CBLB: variants seen among roughly 807,000 people sequenced by gnomAD.
CBLB encodes the protein Cbl proto-oncogene B.
CBLB carries 31 observed loss-of-function variants against 104.9 expected under a neutral mutation model. That is an observed-to-expected ratio of 0.30 (90% CI 0.22 to 0.40). The LOEUF (loss-of-function observed/expected upper bound fraction) is 0.40, where lower values mean the gene tolerates loss of function less well. Among genes scored for constraint, CBLB ranks in the 10% least tolerant of loss-of-function variants. CBLB has a pLI of 1.00. For synonymous variants in CBLB, 440 were observed against 422.6 expected (o/e 1.04, Z -0.51); for missense variants, 1,062 against 1,214.6 (o/e 0.87, Z 1.87).
intron 4 of CBLB, among the ~76,000 whole-genome samples, chr3:105,776,151 A>C (rs1366026017): frequency 1.3e-5 from 2 of 152,142 alleles, no homozygotes; most frequent in Non-Finnish European, 2.9e-5. Flanking sequence ...CTCAGAACAA[A>C]CTCAATGAAT....
intron 2 of CBLB, among the ~76,000 whole-genome samples, chr3:105,856,275 G>A (rs1287983193): frequency 4.0e-5 from 6 of 150,730 alleles, no homozygotes; most frequent in East Asian, 1.9e-4. Context: ...ACTTGAACCC[G>A]GGAGGCAGAG....
At chr3:105,814,648 A>G (rs1303567539) in intron 3 of CBLB, among the ~76,000 whole-genome samples, 1 of 152,094 alleles carries the variant, frequency 6.6e-6, no homozygotes, top group East Asian at 1.9e-4. Context: ...TCCTACTGCC[A>G]TTATCTTCAG....
At chr3:105,661,849 T>C (rs2063814638) in intron 18 of CBLB, among the ~76,000 whole-genome samples, 1 of 152,148 alleles carries the variant, frequency 6.6e-6, no homozygotes, top group Non-Finnish European at 1.5e-5. Flanking sequence ...AGTATAACAA[T>C]TAATGTAATA....
chr3:105,853,282 G>A (rs561097236), intron 3 of CBLB, 132 bp downstream of exon 3: 64 of 865,826 alleles, frequency 7.4e-5, no homozygotes, highest in South Asian at 4.8e-4. Context: ...CCATCGTTAA[G>A]TACCACATGA....
chr3:105,662,369 A>G (rs1275595745), intron 18 of CBLB, among the ~76,000 whole-genome samples: 2 of 152,240 alleles, frequency 1.3e-5, no homozygotes, highest in Non-Finnish European at 2.9e-5. Flanking sequence ...GCACACTGAA[A>G]TAACTATAAA....
chr3:105,810,303 A>G (rs1382041581), intron 3 of CBLB, among the ~76,000 whole-genome samples: 1 of 152,194 alleles, frequency 6.6e-6, no homozygotes, highest in African/African-American at 2.4e-5. Flanking sequence ...TACTAAAATA[A>G]GTTTCTTGGC....
intron 3 of CBLB, among the ~76,000 whole-genome samples, chr3:105,847,430 C>A (rs1040963183): frequency 1.0e-4 from 13 of 127,708 alleles, no homozygotes; most frequent in East Asian, 2.9e-4. Flanking sequence ...ACACACACAC[C>A]CCATTTTGTC....
upstream of CBLB, chr3:105,869,053 GGGGC>G: frequency 7.4e-6 from 8 of 1,074,918 alleles, no homozygotes; most frequent in Non-Finnish European, 9.2e-6. Context: ...GGCTCGGGGC[GGGGC>G]GGGGCGGGGG....
In CBLB at chr3:105,685,422, T is replaced by A. The variant is rs758691888; in HGVS notation, c.2099A>T (p.Asp700Val). 9 of 1,612,762 alleles carry A rather than the reference T, an allele frequency of 5.6e-6. No homozygotes were observed. Among genetic ancestry groups the A allele is most frequent in the Non-Finnish European group, 4.2e-6 (5 of 1,179,028 alleles). Reference protein sequence around the residue: ...LANSLSEKTRDPVEEDDDEYK... With the variant: ...LANSLSEKTRVPVEEDDDEYK... ...TTCATCATCATCTTCCTCTACTGGG[T>A]CTCTTGTTTTCTCTGAAAGAGAATT... The change falls in exon 14 of 19, where the codon GAC becomes GTC. Residue 700 changes from aspartate (D) to valine (V), a missense_variant. Transcript: ENST00000394030.
At chr3:105,850,077 C>G (rs2090756504) in intron 3 of CBLB, among the ~76,000 whole-genome samples, 1 of 152,028 alleles carries the variant, frequency 6.6e-6, no homozygotes, top group African/African-American at 2.4e-5. Flanking sequence ...TAAAAGGCAA[C>G]AGGAAGATTC....
At chr3:105,683,295 C>T (rs2066555542) in intron 14 of CBLB, among the ~76,000 whole-genome samples, 1 of 152,164 alleles carries the variant, frequency 6.6e-6, no homozygotes, top group African/African-American at 2.4e-5. Context: ...AAGTGTTAAG[C>T]TTAAAGAGCT....
chr3:105,659,299 G>T, intron 18 of CBLB, 70 bp from the exon 19 acceptor site: 2 of 1,359,852 alleles, frequency 1.5e-6, no homozygotes, highest in Non-Finnish European at 1.1e-6. Flanking sequence ...TAACATAACA[G>T]CATTATCTCA....
In CBLB at chr3:105,867,455, T is replaced by C. The variant is rs906938252; in HGVS notation, c.123A>G (p.Ala41=). ...DAVGPPKQAA[A]DRRTVEKTWK... The stretch of plus-strand genomic sequence containing the variant: ...AAGTCTTCTCCACGGTCCTGCGATC[T>C]GCGGCAGCTTGCTTAGGGGGTCCAA... Residue 41 remains alanine (A), a synonymous_variant, in exon 2 of 19, where the codon GCA becomes GCG. Transcript: ENST00000394030. 3 of 1,614,086 alleles carry C rather than the reference T, an allele frequency of 1.9e-6. No homozygotes were observed. The highest frequency in any genetic ancestry group is 1.7e-5 in the Admixed American group (1 of 60,010).
At position 105,850,869 on chromosome 3, in the gene CBLB, G is replaced by A. The variant is rs551469215; in HGVS notation, c.419+2545C>T. Among the ~76,000 whole-genome samples the A allele has an allele frequency of 2.0e-5, 3 of 152,286 alleles. No homozygotes were observed. In the South Asian group the frequency reaches 6.2e-4, roughly 32 times the overall value. On this transcript the variant is annotated intron_variant, in intron 3 of 18. Transcript: ENST00000394030. ...GTCTCCAATACCAAATTCTGGTGTG[G>A]ATGTGGAGCACCAAGAACTGTCATT... is the stretch of plus-strand genomic sequence containing the variant.
intron 4 of CBLB, among the ~76,000 whole-genome samples, chr3:105,754,523 C>CAGAGAGAG (rs1207514486): frequency 6.8e-4 from 70 of 102,802 alleles, no homozygotes; most frequent in African/African-American, 1.8e-3. Flanking sequence ...GAGAGAGAGA[C>CAGAGAGAG]AGAGAGAGAG....
intron 4 of CBLB, among the ~76,000 whole-genome samples, chr3:105,753,904 C>T (rs1291725576): frequency 2.0e-5 from 3 of 151,976 alleles, no homozygotes; most frequent in African/African-American, 7.3e-5. Flanking sequence ...TAACAATTTA[C>T]AAAAGGACAA....
At chr3:105,861,468 C>T (rs1275039279) in intron 2 of CBLB, among the ~76,000 whole-genome samples, 1 of 152,030 alleles carries the variant, frequency 6.6e-6, no homozygotes, top group Non-Finnish European at 1.5e-5. Context: ...TATTCCCTTG[C>T]TTTCCTCCTG....
chr3:105,839,859 A>G (rs2089267099), intron 3 of CBLB, among the ~76,000 whole-genome samples: 1 of 152,260 alleles, frequency 6.6e-6, no homozygotes, highest in South Asian at 2.1e-4. Flanking sequence ...TATTTTTTAC[A>G]TATGCAATTG....
At chr3:105,811,072 A>T (rs1054462581) in intron 3 of CBLB, among the ~76,000 whole-genome samples, 1 of 152,176 alleles carries the variant, frequency 6.6e-6, no homozygotes, top group African/African-American at 2.4e-5. Context: ...TTTCTTTTTT[A>T]TTCTAATCCA....
Sources: gnomAD v4.1 joint callset for allele counts (sites outside exome capture counted in the v4.1 genomes callset) on GRCh38, gnomAD v4.1.1 for gene constraint, MANE v1.5 for transcripts, NCBI Gene and HGNC (gene_info 2026-07-23, HGNC 2026-07-21) for gene names.